PIAS2: variants seen among roughly 807,000 people sequenced by gnomAD.
PIAS2 encodes E3 SUMO-protein ligase PIAS2.
In PIAS2, 19 loss-of-function variants were observed where a neutral mutation model predicts 69.7. The observed-to-expected ratio is 0.27, with a 90% confidence interval of 0.19 to 0.40. The LOEUF (loss-of-function observed/expected upper bound fraction) is 0.40, where lower values mean the gene tolerates loss of function less well. Among genes scored for constraint, PIAS2 ranks in the 10% least tolerant of loss-of-function variants. PIAS2 has a pLI of 1.00. For synonymous variants in PIAS2, 261 were observed against 263.2 expected (o/e 0.99, Z 0.08); for missense variants, 624 against 757.0 (o/e 0.82, Z 2.06).
At chr18:46,862,801 G>A (rs748904248) in intron 3 of PIAS2, among the ~76,000 whole-genome samples, 22 of 152,168 alleles carry the variant, frequency 1.4e-4, no homozygotes, top group Middle Eastern at 3.4e-3. Flanking sequence ...TGCCTCCTGG[G>A]TTAATGTGAT....
chr18:46,845,691 T>A (rs2046069644), intron 6 of PIAS2, among the ~76,000 whole-genome samples: 1 of 152,074 alleles, frequency 6.6e-6, no homozygotes, highest in African/African-American at 2.4e-5. Context: ...GATTCTACAA[T>A]AAACATCATA....
Position 46,812,148 on chromosome 18 carries a change from C to T in PIAS2, c.*285G>A, listed in dbSNP as rs1340267151. ...AAAACTTTTTTCACTGATTTGTAGA[C>T]TCCATCCATTAACGTATGAAAGTGA... On this transcript the variant is annotated 3_prime_UTR_variant, in exon 14 of 14. Coordinates refer to ENST00000585916, the MANE Select transcript of PIAS2 (RefSeq NM_004671.5). 4.2e-6 allele frequency: 1 copy of T among 240,820 alleles called. No individual in the cohort carries two copies. Among genetic ancestry groups the T allele is most frequent in the Admixed American group, 5.1e-5 (1 of 19,546 alleles). The allele number at this position is 240,820 out of a possible 1,614,324, so 14.9% of individuals were successfully genotyped here. A position where few individuals can be genotyped will look rare whatever the true frequency, so the allele number is the denominator to read the frequency against.
At chr18:46,854,203 C>T (rs1382800141) in intron 5 of PIAS2, among the ~76,000 whole-genome samples, 1 of 152,210 alleles carries the variant, frequency 6.6e-6, no homozygotes, top group Admixed American at 6.5e-5. Flanking sequence ...ATTCTTAGCA[C>T]TTGGCTCTGG....
chr18:46,870,252 C>A (rs1203391698), intron 2 of PIAS2, among the ~76,000 whole-genome samples: 1 of 152,092 alleles, frequency 6.6e-6, no homozygotes, highest in African/African-American at 2.4e-5. Flanking sequence ...GAGGGAAGTG[C>A]CCCTTGGAGG....
At chr18:46,839,622 T>C (rs2045003362) in intron 8 of PIAS2, among the ~76,000 whole-genome samples, 1 of 151,946 alleles carries the variant, frequency 6.6e-6, no homozygotes, top group African/African-American at 2.4e-5. Context: ...CCCAGCACTT[T>C]GGGAGGCCGA....
At chr18:46,906,419 T>C (rs981497755) in intron 1 of PIAS2, 1 of 151,714 alleles carries the variant, frequency 6.6e-6, no homozygotes, top group African/African-American at 2.4e-5. Flanking sequence ...ACTGTCTGCA[T>C]AGAAAAATCC....
chr18:46,889,682 T>G (rs2053756599), intron 2 of PIAS2, among the ~76,000 whole-genome samples: 1 of 152,146 alleles, frequency 6.6e-6, no homozygotes, highest in Non-Finnish European at 1.5e-5. Flanking sequence ...CTCAAAATAC[T>G]AAAAACAGAA....
intron 2 of PIAS2, among the ~76,000 whole-genome samples, chr18:46,870,144 A>G (rs961663290): frequency 1.3e-5 from 2 of 152,056 alleles, no homozygotes; most frequent in African/African-American, 4.8e-5. Context: ...TGCCTCCTCC[A>G]GGAAGGCTCT....
At chr18:46,843,959 CATAAT>C in intron 8 of PIAS2, 90 bp downstream of exon 8, 1 of 683,260 alleles carries the variant, frequency 1.5e-6, no homozygotes, top group Non-Finnish European at 2.5e-6. Flanking sequence ...CAGCATTCTT[CATAAT>C]ATATCATTCA....
At chr18:46,875,521 T>A (rs1344975493) in intron 2 of PIAS2, among the ~76,000 whole-genome samples, 1 of 152,126 alleles carries the variant, frequency 6.6e-6, no homozygotes, top group African/African-American at 2.4e-5. Context: ...CCCATAAGAA[T>A]CTTCTCTCTG....
chr18:46,888,474 C>T (rs2053550733), intron 2 of PIAS2, among the ~76,000 whole-genome samples: 1 of 152,088 alleles, frequency 6.6e-6, no homozygotes, highest in African/African-American at 2.4e-5. Context: ...GGAGAATTCA[C>T]TCTTCCTGAT....
In PIAS2 at chr18:46,890,848, T is replaced by C. The variant is rs770044512; in HGVS notation, c.231A>G (p.Thr77=). The C allele has an allele frequency of 2.0e-5, 32 of 1,614,034 alleles. No individual in the cohort carries two copies. The South Asian group carries it at 2.7e-4, about 14-fold the overall frequency. The change falls in exon 2 of 14, where the codon ACA becomes ACG. Residue 77 remains threonine, a synonymous_variant. Transcript: ENST00000585916. ...RTLEGLSDLS[T]IKSSVFSLDG... is the part of the protein sequence containing the mutation. ...CCAAACTGAAAACCGATGATTTGAT[T>C]GTGGATAAATCAGAAAGTCCTTCAA...
At chr18:46,825,156 C>A (rs937900403) in intron 11 of PIAS2, among the ~76,000 whole-genome samples, 2 of 151,860 alleles carry the variant, frequency 1.3e-5, no homozygotes, top group African/African-American at 4.8e-5. Context: ...CACAGGAAAA[C>A]CATAAAAACT....
chr18:46,844,555 C>T (rs2045895313), intron 7 of PIAS2, among the ~76,000 whole-genome samples, 179 bp downstream of exon 7: 1 of 151,992 alleles, frequency 6.6e-6, no homozygotes, highest in Admixed American at 6.6e-5. Context: ...TTAAAAACTA[C>T]TATGTGGTAA....
At chr18:46,833,269 G>A (rs886131296) in intron 9 of PIAS2, among the ~76,000 whole-genome samples, 2 of 152,186 alleles carry the variant, frequency 1.3e-5, no homozygotes, top group South Asian at 2.1e-4. Flanking sequence ...AGTATGTTGA[G>A]TAAAAGAAGT....
At position 46,864,203 on chromosome 18, in the gene PIAS2, G is replaced by A; in HGVS notation, c.545C>T (p.Ala182Val). The A allele has an allele frequency of 6.3e-7, 1 of 1,593,912 alleles. No homozygotes were observed. Among genetic ancestry groups the A allele is most frequent in the Non-Finnish European group, 8.5e-7 (1 of 1,170,496 alleles). The change falls in exon 3 of 14, where the codon GCT becomes GTT. Residue 182 changes from alanine (A) to valine (V), a missense_variant. Ala to Val is a moderately conservative substitution (Grantham distance 64, BLOSUM62 0). Coordinates refer to ENST00000585916, the MANE Select transcript of PIAS2 (RefSeq NM_004671.5). Reference sequence around the variant, plus strand: ...CTCTCTAACTTGTTGAGGTGTCAAAGCAAAAATAAAAAACTTCTCTTGAAA... The same window carrying A: ...CTCTCTAACTTGTTGAGGTGTCAAAACAAAAATAAAAAACTTCTCTTGAAA... ...QRFQEKFFIF[A>V]LTPQQVREIC...
intron 2 of PIAS2, among the ~76,000 whole-genome samples, chr18:46,883,416 T>C (rs1412135360): frequency 6.6e-6 from 1 of 151,998 alleles, no homozygotes; most frequent in East Asian, 1.9e-4. Context: ...AATATAATTA[T>C]ATAGTGCCAA....
chr18:46,918,723 C>T (rs1289066659), upstream of PIAS2, among the ~76,000 whole-genome samples: 2 of 152,046 alleles, frequency 1.3e-5, no homozygotes, highest in African/African-American at 2.4e-5. Context: ...CACCCGGCCT[C>T]CCCTCAAGTT....
intron 3 of PIAS2, among the ~76,000 whole-genome samples, chr18:46,861,141 A>G (rs2048599850): frequency 6.6e-6 from 1 of 151,974 alleles, no homozygotes; most frequent in Non-Finnish European, 1.5e-5. Context: ...TTAGCCAGGC[A>G]TGGTGAAGAA....
Sources: allele counts gnomAD v4.1 joint callset (sites outside exome capture counted in the v4.1 genomes callset), GRCh38; gene constraint gnomAD v4.1.1; transcripts MANE v1.5; gene names NCBI Gene and HGNC (gene_info 2026-07-23, HGNC 2026-07-21).